Variants in FOLH1 observed in about 807,000 individuals in gnomAD.
FOLH1 encodes glutamate carboxypeptidase 2.
Under a neutral mutation model 93.9 loss-of-function variants are expected in FOLH1, and 54 were observed. That is an observed-to-expected ratio of 0.57 (90% CI 0.46 to 0.72). The LOEUF is 0.72. Ranked by LOEUF, FOLH1 falls within the 30% of genes least tolerant of loss-of-function variation. The probability of loss-of-function intolerance (pLI) is 0.00; values close to 1 mark genes in which losing one functional copy is unlikely to be tolerated. For missense variants in FOLH1, 571 were observed against 892.5 expected (o/e 0.64, Z 4.59); for synonymous variants, 249 against 303.6 (o/e 0.82, Z 1.87).
intron 6 of FOLH1, among the ~76,000 whole-genome samples, chr11:49,184,482 AAAGCTTAGGCT>A (rs1459356592): frequency 4.6e-5 from 7 of 152,206 alleles, no homozygotes; most frequent in African/African-American, 1.7e-4. Flanking sequence ...CATAACTAAT[AAAGCTTAGGCT>A]AAGCTGCATT....
chr11:49,192,636 T>C (rs1377199738), intron 4 of FOLH1, 157 bp downstream of exon 4: 16 of 459,664 alleles, frequency 3.5e-5, no homozygotes, highest in Non-Finnish European at 5.7e-5. Context: ...ATAATCAATA[T>C]TCCTTCTTCT....
intron 10 of FOLH1, among the ~76,000 whole-genome samples, chr11:49,172,827 G>A (rs988583832): frequency 6.6e-6 from 1 of 152,234 alleles, no homozygotes; most frequent in African/African-American, 2.4e-5. Flanking sequence ...GTGATGTTAC[G>A]AGTGTAAACC....
At chr11:49,176,549 G>A (rs1488819603) in intron 7 of FOLH1, among the ~76,000 whole-genome samples, 1 of 152,130 alleles carries the variant, frequency 6.6e-6, no homozygotes, top group Non-Finnish European at 1.5e-5. Context: ...ACATGGTAAT[G>A]TTTATGAAAT....
intron 4 of FOLH1, among the ~76,000 whole-genome samples, chr11:49,190,322 C>T (rs1447863050): frequency 1.3e-5 from 2 of 152,160 alleles, no homozygotes; most frequent in Non-Finnish European, 2.9e-5. Flanking sequence ...GACAGATATT[C>T]CCTCTCAGCA....
intron 3 of FOLH1, among the ~76,000 whole-genome samples, chr11:49,196,209 C>A (rs1481165533): frequency 6.6e-6 from 1 of 151,866 alleles, no homozygotes; most frequent in Non-Finnish European, 1.5e-5. Flanking sequence ...ATATATCAAG[C>A]AATAAAAATT....
intron 3 of FOLH1, 38 bp from the exon 4 acceptor site, chr11:49,192,932 TAA>T: frequency 6.6e-7 from 1 of 1,518,864 alleles, no homozygotes; most frequent in East Asian, 2.3e-5. Flanking sequence ...ATAAAACAGT[TAA>T]AGTTTGATTA....
chr11:49,183,207 C>T lies in FOLH1; in HGVS notation c.862G>A (p.Gly288Ser). ...AYRRGIAEAV[G>S]LPSIPVHPIG... ...GGATGAACAGGAATACTTGGAAGACCAACAGCCTCTGCAATTCCACGCCTA... is the reference window on the plus strand; with the variant it reads ...GGATGAACAGGAATACTTGGAAGACTAACAGCCTCTGCAATTCCACGCCTA... The change falls in exon 7 of 19, where the codon GGT becomes AGT. Residue 288 changes from glycine (G) to serine (S), a missense_variant. Physicochemically the swap from Gly to Ser is moderately conservative, Grantham distance 56 (BLOSUM62 0). Coordinates refer to ENST00000256999, the MANE Select transcript of FOLH1 (RefSeq NM_004476.3). The T allele has an allele frequency of 2.5e-6, 4 of 1,612,558 alleles. No individual in the cohort carries two copies. In the South Asian group the frequency reaches 3.3e-5, roughly 13 times the overall value.
Position 49,154,021 on chromosome 11 carries a change from T to C in FOLH1, c.1889-94A>G, listed in dbSNP as rs1590418026. On this transcript the variant is annotated intron_variant, in intron 16 of 18. Transcript: ENST00000256999. ...AAGAAAAGGAACAATATAGAAGCCA[T>C]CATCTTTTGTGTTTTACAAGGTATT... is the stretch of plus-strand genomic sequence containing the variant. 5 of 1,321,998 alleles carry C rather than the reference T, an allele frequency of 3.8e-6. No individual in the cohort carries two copies. The East Asian group carries it at 7.0e-5, about 19-fold the overall frequency. 81.9% of individuals were successfully genotyped at this position (1,321,998 alleles called of 1,614,324 possible).
chr11:49,164,629 C>T, intron 13 of FOLH1, 76 bp downstream of exon 13: 2 of 983,904 alleles, frequency 2.0e-6, no homozygotes, highest in South Asian at 3.0e-5. Flanking sequence ...AAAACACCAC[C>T]TATGTTTAAC....
At chr11:49,177,728 A>G (rs1251603079) in intron 7 of FOLH1, among the ~76,000 whole-genome samples, 1 of 146,490 alleles carries the variant, frequency 6.8e-6, no homozygotes, top group East Asian at 2.0e-4. Flanking sequence ...CAAGCGGATC[A>G]CCTGAGGTCG....
chr11:49,187,319 G>A (rs1861521264), intron 4 of FOLH1, among the ~76,000 whole-genome samples: 1 of 152,138 alleles, frequency 6.6e-6, no homozygotes, highest in African/African-American at 2.4e-5. Flanking sequence ...TGATCTGCTA[G>A]ATTAAATCAG....
At chr11:49,169,290 G>A (rs1454469547) in intron 11 of FOLH1, 32 bp from the exon 12 acceptor site, 2 of 1,597,248 alleles carry the variant, frequency 1.3e-6, no homozygotes, top group Non-Finnish European at 8.6e-7. Flanking sequence ...TAAATATAAA[G>A]TTATAACCCA....
At chr11:49,195,733 T>C (rs1862547330) in intron 3 of FOLH1, among the ~76,000 whole-genome samples, 1 of 152,138 alleles carries the variant, frequency 6.6e-6, no homozygotes, top group African/African-American at 2.4e-5. Flanking sequence ...GAGGCACATC[T>C]ACAGACGCTG....
At chr11:49,206,410 G>A in intron 1 of FOLH1, 1 of 734,294 alleles carries the variant, frequency 1.4e-6, no homozygotes, top group Non-Finnish European at 2.3e-6. Flanking sequence ...TCAATGATAG[G>A]TATTGCTGTT....
At chr11:49,192,555 A>G (rs527529381) in intron 4 of FOLH1, among the ~76,000 whole-genome samples, 2 of 152,320 alleles carry the variant, frequency 1.3e-5, no homozygotes, top group South Asian at 2.1e-4. Context: ...TCAAAAATCA[A>G]TAAATGTGCA....
chr11:49,179,880 G>A (rs1366394021), intron 7 of FOLH1, among the ~76,000 whole-genome samples: 1 of 152,150 alleles, frequency 6.6e-6, no homozygotes, highest in African/African-American at 2.4e-5. Flanking sequence ...AAGAATACAA[G>A]ATAGGACATT....
Position 49,183,017 on chromosome 11 carries a change from A to G in FOLH1, c.920+132T>C, listed in dbSNP as rs112419393. Reference sequence around the variant, plus strand: ...GAACAGAACCACTCTTCTATTTTATACTGATAAAATTACAAGCAACACCCA... The same window carrying G: ...GAACAGAACCACTCTTCTATTTTATGCTGATAAAATTACAAGCAACACCCA... On this transcript the variant is annotated intron_variant, in intron 7 of 18. Coordinates refer to ENST00000256999, the MANE Select transcript of FOLH1 (RefSeq NM_004476.3). The G allele has an allele frequency of 4.1e-3, 2,839 of 689,252 alleles. 62 individuals are homozygous for G. The African/African-American group carries it at 0.046, about 11-fold the overall frequency. 42.7% of individuals were successfully genotyped at this position (689,252 alleles called of 1,614,324 possible).
At chr11:49,158,119 G>A (rs2733990) in intron 13 of FOLH1, 76 bp from the exon 14 acceptor site, 2 of 1,383,312 alleles carry the variant, frequency 1.4e-6, no homozygotes, top group South Asian at 1.6e-5. Context: ...TTAACCAGAA[G>A]TGAGTAACTA....
intron 2 of FOLH1, among the ~76,000 whole-genome samples, chr11:49,202,121 G>A (rs1863322841): frequency 6.6e-6 from 1 of 152,118 alleles, no homozygotes. Flanking sequence ...CCCTAGCTGT[G>A]TCTTGAGTTT....
Sources: gnomAD v4.1 joint callset for allele counts (sites outside exome capture counted in the v4.1 genomes callset) on GRCh38, gnomAD v4.1.1 for gene constraint, MANE v1.5 for transcripts, NCBI Gene and HGNC (gene_info 2026-07-23, HGNC 2026-07-21) for gene names.